Variants in RETREG1 observed in about 807,000 individuals in gnomAD.
The protein encoded by RETREG1 is reticulophagy regulator 1.
A neutral mutation model predicts 54.8 loss-of-function variants in RETREG1; 44 were observed. The observed-to-expected ratio is 0.80, with a 90% CI of 0.63 to 1.03. The LOEUF (loss-of-function observed/expected upper bound fraction) is 1.03. Among genes scored for constraint, RETREG1 ranks in the 50% least tolerant of loss-of-function variants. The pLI, the probability that RETREG1 is intolerant of heterozygous loss-of-function variation, is 0.00. For synonymous variants in RETREG1, 217 were observed against 238.5 expected, an observed-to-expected ratio of 0.91 and a Z score of 0.83; for missense variants, 554 against 605.1, an observed-to-expected ratio of 0.92 and a Z score of 0.89.
chr5:16,603,186 G>A (rs1479401282), intron 1 of RETREG1, among the ~76,000 whole-genome samples: 1 of 152,154 alleles, frequency 6.6e-6, no homozygotes, highest in East Asian at 1.9e-4. Flanking sequence ...TATTAAAGAT[G>A]TATGTGTGTG....
At chr5:16,559,182 G>C in intron 3 of RETREG1, among the ~76,000 whole-genome samples, 1 of 152,202 alleles carries the variant, frequency 6.6e-6, no homozygotes, top group African/African-American at 2.4e-5. Context: ...CCATTTTCTG[G>C]AAGCCCACAA....
At chr5:16,542,125 A>G (rs1467991008) in intron 3 of RETREG1, among the ~76,000 whole-genome samples, 1 of 152,224 alleles carries the variant, frequency 6.6e-6, no homozygotes, top group African/African-American at 2.4e-5. Flanking sequence ...AATCACCACA[A>G]CTAAGATGCA....
intron 3 of RETREG1, among the ~76,000 whole-genome samples, chr5:16,563,540 G>A (rs987260875): frequency 1.5e-4 from 23 of 152,082 alleles, no homozygotes; most frequent in African/African-American, 5.6e-4. Context: ...GATTACAAAT[G>A]TAAGCCACCG....
At chr5:16,602,711 A>G (rs572729735) in intron 1 of RETREG1, among the ~76,000 whole-genome samples, 2 of 152,346 alleles carry the variant, frequency 1.3e-5, no homozygotes, top group East Asian at 3.9e-4. Flanking sequence ...CAGCATTTTA[A>G]GAATTTCACT....
intron 3 of RETREG1, among the ~76,000 whole-genome samples, chr5:16,549,089 T>C (rs886195800): frequency 6.6e-6 from 1 of 152,218 alleles, no homozygotes; most frequent in African/African-American, 2.4e-5. Context: ...GAGAAGAGCT[T>C]TTTTTCTATT....
chr5:16,572,355 G>C (rs887112548), intron 1 of RETREG1, among the ~76,000 whole-genome samples: 5 of 152,020 alleles, frequency 3.3e-5, no homozygotes, highest in Admixed American at 3.3e-4. Flanking sequence ...TGGGATTATA[G>C]GCATGAGCCA....
intron 1 of RETREG1, among the ~76,000 whole-genome samples, chr5:16,588,717 T>C (rs576829670): frequency 6.6e-6 from 1 of 152,334 alleles, no homozygotes; most frequent in African/African-American, 2.4e-5. Flanking sequence ...ACTATGCAGA[T>C]TAGAGCCAAC....
intron 3 of RETREG1, among the ~76,000 whole-genome samples, chr5:16,550,413 T>TACAG (rs1380579840): frequency 6.6e-6 from 1 of 152,190 alleles, no homozygotes; most frequent in Non-Finnish European, 1.5e-5. Flanking sequence ...CAGCTGCCAT[T>TACAG]ACAGCATCTG....
chr5:16,611,059 T>C (rs1027996534), intron 1 of RETREG1, among the ~76,000 whole-genome samples: 4 of 152,204 alleles, frequency 2.6e-5, no homozygotes, highest in African/African-American at 7.2e-5. Context: ...ATATTCACCA[T>C]GGAATACTAT....
At chr5:16,546,674 G>A (rs963490215) in intron 3 of RETREG1, among the ~76,000 whole-genome samples, 5 of 152,186 alleles carry the variant, frequency 3.3e-5, no homozygotes, top group Non-Finnish European at 5.9e-5. Flanking sequence ...TAATCAGTGT[G>A]TACAAAATAA....
intron 3 of RETREG1, among the ~76,000 whole-genome samples, chr5:16,506,829 A>G (rs553967714): frequency 7.3e-4 from 111 of 152,320 alleles, no homozygotes; most frequent in African/African-American, 2.6e-3. Flanking sequence ...GTAAAAGCTT[A>G]AAGTTATCAA....
intron 3 of RETREG1, among the ~76,000 whole-genome samples, chr5:16,527,800 A>ATTTTTTTTTGTTTTTTT (rs1740761826): frequency 1.5e-5 from 1 of 66,250 alleles, no homozygotes; most frequent in Non-Finnish European, 2.7e-5. Context: ...AGGGACTCTA[A>ATTTTTTTTTGTTTTTTT]TTTTTTTTTT....
chr5:16,480,723 T>C (rs1738732033), intron 5 of RETREG1, among the ~76,000 whole-genome samples: 1 of 152,102 alleles, frequency 6.6e-6, no homozygotes, highest in Non-Finnish European at 1.5e-5. Flanking sequence ...AAGGTGTTGG[T>C]GTGTTTTTGG....
At position 16,597,734 on chromosome 5, in the gene RETREG1, C is replaced by G. The variant is rs1377362967; in HGVS notation, c.320+18918G>C. On this transcript the variant is annotated intron_variant, in intron 1 of 8. Transcript: ENST00000306320. This position sits in a 1 kb window ranked among gnomAD's most constrained non-coding sequence, Gnocchi z 4.3. ...AACATGTCTCCCACATGCCCCTCCT[C>G]ACTGCCCCTCAAGTGCTTTCTACAA... Among the ~76,000 whole-genome samples the G allele has an allele frequency of 6.6e-6, 1 of 152,192 alleles. No individual in the cohort carries two copies. Among genetic ancestry groups the G allele is most frequent in the African/African-American group, 2.4e-5 (1 of 41,430 alleles).
chr5:16,555,164 A>G (rs938502990), intron 3 of RETREG1, among the ~76,000 whole-genome samples: 1 of 152,046 alleles, frequency 6.6e-6, no homozygotes, highest in Admixed American at 6.6e-5. Flanking sequence ...ATTTATTTTT[A>G]TTTTTGAGAC....
chr5:16,604,658 G>A (rs1459004265), intron 1 of RETREG1, among the ~76,000 whole-genome samples: 6 of 152,148 alleles, frequency 3.9e-5, no homozygotes, highest in East Asian at 3.9e-4. Flanking sequence ...CCAGCCTCCC[G>A]TGGGTGGCTC....
intron 3 of RETREG1, among the ~76,000 whole-genome samples, chr5:16,534,851 A>G (rs1426329629): frequency 6.6e-6 from 1 of 152,232 alleles, no homozygotes; most frequent in Non-Finnish European, 1.5e-5. Context: ...TTCTGTAAAT[A>G]ATGATCTCTT....
rs889366005 is a variant in RETREG1, at chr5:16,561,581, G to A, written c.458+4182C>T. On this transcript the variant is annotated intron_variant, in intron 3 of 8. Coordinates refer to ENST00000306320, the MANE Select transcript of RETREG1 (RefSeq NM_001034850.3). The surrounding 1 kb of genome is among the most constrained non-coding windows in gnomAD (Gnocchi z 4.2). ...ATTTCCAGTAGCCTGCCTTCTCTGG[G>A]ACATGTGAGCACTTCCCCAAAGGAG... Among the ~76,000 whole-genome samples the A allele has an allele frequency of 2.0e-5, 3 of 152,100 alleles. No homozygotes were observed. The highest frequency in any genetic ancestry group is 2.9e-5 in the Non-Finnish European group (2 of 68,006).
intron 5 of RETREG1, 109 bp downstream of exon 5, chr5:16,480,899 CT>C: frequency 1.4e-6 from 1 of 739,518 alleles, no homozygotes. Context: ...GAATAATCAA[CT>C]TGTATTATAG....
Sources: allele counts gnomAD v4.1 joint callset (sites outside exome capture counted in the v4.1 genomes callset), GRCh38; gene constraint gnomAD v4.1.1; non-coding constraint Gnocchi (gnomAD v3.1); transcripts MANE v1.5; gene names NCBI Gene and HGNC (gene_info 2026-07-23, HGNC 2026-07-21).